Variants in JAM3 observed in about 807,000 individuals in gnomAD.
The protein encoded by JAM3 is junctional adhesion molecule C.
In JAM3, 31 loss-of-function variants were observed where a neutral mutation model predicts 39.4. That is an observed-to-expected ratio of 0.79 (90% CI 0.59 to 1.06). JAM3 has a LOEUF of 1.06. JAM3 is among the 50% of genes least tolerant of loss of function. JAM3 has a pLI of 0.00. For synonymous variants in JAM3, 182 were observed against 148.7 expected (o/e 1.22, Z -1.63); for missense variants, 455 against 391.4 (o/e 1.16, Z -1.37).
chr11:134,094,444 A>G (rs1490768948), intron 1 of JAM3, among the ~76,000 whole-genome samples: 1 of 113,534 alleles, frequency 8.8e-6, no homozygotes, highest in African/African-American at 3.8e-5. Context: ...CTTCTCCTGA[A>G]CCCTCCTTAT....
Position 134,124,237 on chromosome 11 carries a change from G to A in JAM3, c.77-15614G>A, listed in dbSNP as rs1457106391. On this transcript the variant is annotated intron_variant, in intron 1 of 8. Transcript: ENST00000299106. ...ACTCCATACTTCTTAAGTTCCTCTGGGAACTCGTTGAGAGTAGCACTGGTA... is the reference window on the plus strand; with the variant it reads ...ACTCCATACTTCTTAAGTTCCTCTGAGAACTCGTTGAGAGTAGCACTGGTA... 8.7e-6 allele frequency: 11 copies of A among 1,271,612 alleles called. No individual in the cohort carries two copies. The East Asian group carries it at 2.1e-4, about 24-fold the overall frequency. 78.8% of individuals were successfully genotyped at this position (1,271,612 alleles called of 1,614,324 possible).
At chr11:134,146,710 G>C (rs771738979) in intron 6 of JAM3, among the ~76,000 whole-genome samples, 2 of 152,164 alleles carry the variant, frequency 1.3e-5, no homozygotes. Flanking sequence ...TGGAACAACA[G>C]GCACACACCA....
chr11:134,097,862 G>A (rs1201719697), intron 1 of JAM3, among the ~76,000 whole-genome samples: 1 of 150,628 alleles, frequency 6.6e-6, no homozygotes, highest in African/African-American at 2.4e-5. Flanking sequence ...TTATATATAT[G>A]TATATATATA....
At chr11:134,093,437 T>G (rs1487651505) in intron 1 of JAM3, among the ~76,000 whole-genome samples, 1 of 135,736 alleles carries the variant, frequency 7.4e-6, no homozygotes, top group Non-Finnish European at 1.6e-5. Flanking sequence ...AAGCTTCTCC[T>G]GAAACCTCCT....
rs558742794 is a variant in JAM3 at position 134,150,529 on chromosome 11, G to T, written c.*1348G>T. 1 of 152,266 alleles carries T rather than the reference G, an allele frequency of 6.6e-6. No homozygotes were observed. Among genetic ancestry groups the T allele is most frequent in the Non-Finnish European group, 1.5e-5 (1 of 68,050 alleles). 9.4% of individuals were successfully genotyped at this position (152,266 alleles called of 1,614,324 possible). On this transcript the variant is annotated 3_prime_UTR_variant, in exon 9 of 9. Transcript: ENST00000299106. ...CTTGCTTCATCCAGCACAGCTCTCAGGTGGGCACTGCAGGGACACTGGTGT... is the reference window on the plus strand; with the variant it reads ...CTTGCTTCATCCAGCACAGCTCTCATGTGGGCACTGCAGGGACACTGGTGT...
intron 1 of JAM3, among the ~76,000 whole-genome samples, chr11:134,117,001 T>C (rs1942447131): frequency 6.6e-6 from 1 of 151,982 alleles, no homozygotes; most frequent in Non-Finnish European, 1.5e-5. Context: ...GCTCACACCA[T>C]TTCTACTCAA....
intron 1 of JAM3, among the ~76,000 whole-genome samples, chr11:134,079,090 T>C (rs959418455): frequency 2.6e-5 from 4 of 152,030 alleles, no homozygotes; most frequent in African/African-American, 9.7e-5. Flanking sequence ...TTTCATCGCA[T>C]ACACCCCCAG....
chr11:134,131,536 G>A (rs898625036), intron 1 of JAM3, among the ~76,000 whole-genome samples: 2 of 152,068 alleles, frequency 1.3e-5, no homozygotes, highest in Admixed American at 1.3e-4. Context: ...AAAAATAACA[G>A]AGCATACAAA....
chr11:134,091,585 G>T (rs747183615), intron 1 of JAM3, among the ~76,000 whole-genome samples: 12 of 151,488 alleles, frequency 7.9e-5, no homozygotes, highest in African/African-American at 1.9e-4. Context: ...AGCTACGATT[G>T]TGTCACTGCA....
rs548878921 is a variant in JAM3 at position 134,140,341 on chromosome 11, C to T, written c.143-316C>T. Among the ~76,000 whole-genome samples, 17 of 152,190 alleles carry T rather than the reference C, an allele frequency of 1.1e-4. No individual in the cohort carries two copies. The South Asian group carries it at 3.5e-3, about 32-fold the overall frequency. ...GCCTGACTGGTCTCAAACTCCTGAC[C>T]TCAGGTGATCCACCCTCCTTGGCCT... On this transcript the variant is annotated intron_variant, in intron 2 of 8. Coordinates refer to ENST00000299106, the MANE Select transcript of JAM3 (RefSeq NM_032801.5).
chr11:134,099,324 A>G (rs905488105), intron 1 of JAM3, among the ~76,000 whole-genome samples: 1 of 152,154 alleles, frequency 6.6e-6, no homozygotes, highest in African/African-American at 2.4e-5. Flanking sequence ...CAGGCCCAGG[A>G]ACAGATTTCA....
chr11:134,077,083 C>A (rs902004869), intron 1 of JAM3, among the ~76,000 whole-genome samples: 15 of 152,010 alleles, frequency 9.9e-5, no homozygotes, highest in African/African-American at 3.1e-4. Flanking sequence ...GATCTGCCCA[C>A]CTTGGCCTCC....
intron 1 of JAM3, among the ~76,000 whole-genome samples, chr11:134,115,967 A>G (rs1942423284): frequency 6.6e-6 from 1 of 152,174 alleles, no homozygotes; most frequent in South Asian, 2.1e-4. Context: ...TCATCATATC[A>G]AAGGGTATAT....
intron 1 of JAM3, among the ~76,000 whole-genome samples, chr11:134,109,258 G>A (rs555361422): frequency 1.5e-4 from 23 of 151,906 alleles, no homozygotes; most frequent in East Asian, 7.8e-4. Context: ...CACCGTGCCC[G>A]GCCTGCTCTC....
intron 1 of JAM3, among the ~76,000 whole-genome samples, chr11:134,098,177 A>G (rs1324132871): frequency 6.6e-6 from 1 of 152,150 alleles, no homozygotes. Flanking sequence ...AGAGCTAGCC[A>G]TTCCTTTTAC....
chr11:134,147,611 T>C lies in JAM3; in HGVS notation c.713-936T>C, dbSNP rs192485014. ...ACACCTTTCTCCTGCCTCAGCCTCC[T>C]GAGTAGCTGGGACTACAGGCACCTG... On this transcript the variant is annotated intron_variant, in intron 6 of 8. Coordinates refer to ENST00000299106, the MANE Select transcript of JAM3 (RefSeq NM_032801.5). Among the ~76,000 whole-genome samples, 577 of 151,834 alleles carry C rather than the reference T, an allele frequency of 3.8e-3. 1 individual carries two copies. The highest frequency in any genetic ancestry group is 6.9e-3 in the South Asian group (33 of 4,806).
chr11:134,103,015 C>T (rs1056639353), intron 1 of JAM3, among the ~76,000 whole-genome samples: 1 of 152,118 alleles, frequency 6.6e-6, no homozygotes, highest in African/African-American at 2.4e-5. Flanking sequence ...CAGACAATGC[C>T]ACAAAGATAC....
chr11:134,108,928 G>C (rs1386216877), intron 1 of JAM3, among the ~76,000 whole-genome samples: 2 of 152,090 alleles, frequency 1.3e-5, no homozygotes, highest in Admixed American at 6.6e-5. Context: ...TATATTATTG[G>C]TAGAAACCAG....
chr11:134,094,924 T>C (rs1009376683), intron 1 of JAM3, among the ~76,000 whole-genome samples: 5 of 152,244 alleles, frequency 3.3e-5, no homozygotes, highest in Non-Finnish European at 7.3e-5. Context: ...AATGACTGAA[T>C]ATATTAATAA....
Sources: gnomAD v4.1 joint callset for allele counts (sites outside exome capture counted in the v4.1 genomes callset) on GRCh38, gnomAD v4.1.1 for gene constraint, MANE v1.5 for transcripts, NCBI Gene and HGNC (gene_info 2026-07-23, HGNC 2026-07-21) for gene names.